DRP2: variants seen among roughly 807,000 people sequenced by gnomAD.
The protein encoded by DRP2 is dystrophin related protein 2.
Under a neutral mutation model 78.2 loss-of-function variants are expected in DRP2, and 29 were observed. The ratio of observed to expected loss-of-function variants is 0.37; its 90% CI spans 0.28 to 0.51. The LOEUF (loss-of-function observed/expected upper bound fraction) is 0.51. Ranked by LOEUF, DRP2 falls within the 20% of genes least tolerant of loss-of-function variation. DRP2 has a pLI of 0.94. For missense variants in DRP2, 686 were observed against 770.6 expected, an observed-to-expected ratio of 0.89 and a Z score of 1.30; for synonymous variants, 290 against 281.9, an observed-to-expected ratio of 1.03 and a Z score of -0.29.
chrX:101,227,265 C>T (rs1569507746), intron 2 of DRP2, among the ~76,000 whole-genome samples: 1 of 111,442 alleles, frequency 9.0e-6, no homozygotes, highest in African/African-American at 3.3e-5. Context: ...TAAAATTATC[C>T]TTTTTTTTGT....
intron 11 of DRP2, 36 bp downstream of exon 11, chrX:101,245,485 T>A: frequency 9.1e-7 from 1 of 1,096,900 alleles, no homozygotes; most frequent in Non-Finnish European, 1.2e-6. Flanking sequence ...GGTGGGCATA[T>A]ACACAGCTGC....
chrX:101,254,636 C>T lies in DRP2; in HGVS notation c.2114+75C>T, dbSNP rs1318431030. 4.2e-6 allele frequency: 5 copies of T among 1,178,340 alleles called. No homozygotes were observed. The Admixed American group carries it at 1.1e-4, about 26-fold the overall frequency. ...ATCGTATGCTGTGAAGGGGCTGAGT[C>T]CCGAGTGGGCTAGGAGAATGTTCCA... is the stretch of plus-strand genomic sequence containing the variant. On this transcript the variant is annotated intron_variant, in intron 18 of 23. Coordinates refer to ENST00000395209, the MANE Select transcript of DRP2 (RefSeq NM_001939.3).
At chrX:101,245,285 GCA>G (rs1922887739) in intron 10 of DRP2, 101 bp from the exon 11 acceptor site, 1 of 902,834 alleles carries the variant, frequency 1.1e-6, no homozygotes, top group East Asian at 3.3e-5. Flanking sequence ...CTCGAACCCT[GCA>G]GCTTCTTGCA....
chrX:101,249,701 T>C (rs908900016), intron 14 of DRP2, among the ~76,000 whole-genome samples: 1 of 111,980 alleles, frequency 8.9e-6, no homozygotes, highest in Non-Finnish European at 1.9e-5. Context: ...CTCTGCCTTC[T>C]ATTTCTGTGT....
chrX:101,256,057 G>C (rs200700207), intron 20 of DRP2, 61 bp from the exon 21 acceptor site: 5 of 1,111,787 alleles, frequency 4.5e-6, no homozygotes, highest in Non-Finnish European at 2.4e-6. Flanking sequence ...TGAGCTGAGA[G>C]CTGAGTTGTT....
rs778765283 is a variant in DRP2 at position 101,250,749 on chromosome X, C to T, written c.1699-168C>T. 2.7e-5 allele frequency among the ~76,000 whole-genome samples: 3 copies of T among 111,698 alleles called. No individual in the cohort carries two copies. The South Asian group carries it at 1.1e-3, about 43-fold the overall frequency. On this transcript the variant is annotated intron_variant, in intron 15 of 23. Coordinates refer to ENST00000395209, the MANE Select transcript of DRP2 (RefSeq NM_001939.3). The stretch of plus-strand genomic sequence containing the variant: ...GTTCTCTGGGCTCTAGAATCATAGT[C>T]CTGTTAGGGAGGGTGTCAGCTCAAC...
chrX:101,239,223 C>T (rs1162089171), intron 6 of DRP2, 122 bp downstream of exon 6: 4 of 929,489 alleles, frequency 4.3e-6, no homozygotes, highest in Non-Finnish European at 5.7e-6. Flanking sequence ...ATAGTTTCCC[C>T]CAGGAGTCCA....
At chrX:101,259,944 T>C (rs1218052692) in intron 22 of DRP2, 105 bp from the exon 23 acceptor site, 1 of 1,044,778 alleles carries the variant, frequency 9.6e-7, no homozygotes, top group East Asian at 3.1e-5. Flanking sequence ...AGTCTAAGGG[T>C]AAAGGGATGG....
chrX:101,259,953 G>A lies in DRP2; in HGVS notation c.2629-96G>A, dbSNP rs1923484960. 3 of 1,072,542 alleles carry A rather than the reference G, an allele frequency of 2.8e-6. No homozygotes were observed. The East Asian group carries it at 9.1e-5, about 33-fold the overall frequency. 88.4% of individuals were successfully genotyped at this position (1,072,542 alleles called of 1,213,427 possible). On this transcript the variant is annotated intron_variant, in intron 22 of 23. Coordinates refer to ENST00000395209, the MANE Select transcript of DRP2 (RefSeq NM_001939.3). ...TCTTAAAGTCTAAGGGTAAAGGGAT[G>A]GTATGAAGTCTCTCAGGTCCCTTCT... is the stretch of plus-strand genomic sequence containing the variant.
At chrX:101,222,263 T>G (rs1921918789) in intron 1 of DRP2, among the ~76,000 whole-genome samples, 1 of 111,516 alleles carries the variant, frequency 9.0e-6, no homozygotes, top group Non-Finnish European at 1.9e-5. Context: ...CTTTTCTGTA[T>G]GGAAAACACT....
Position 101,248,662 on chromosome X carries a change from G to A in DRP2, c.1540+63G>A, listed in dbSNP as rs773228476. Reference sequence around the variant, plus strand: ...GAGGGAAAGGTGTTGCAGGGAGGAGGAAGGGTGTAAGATAAGCAGAAAGTA... The same window carrying A: ...GAGGGAAAGGTGTTGCAGGGAGGAGAAAGGGTGTAAGATAAGCAGAAAGTA... On this transcript the variant is annotated intron_variant, in intron 14 of 23. Coordinates refer to ENST00000395209, the MANE Select transcript of DRP2 (RefSeq NM_001939.3). 452 of 1,024,931 alleles carry A rather than the reference G, an allele frequency of 4.4e-4. 2 individuals carry two copies. The South Asian group carries it at 8.2e-3, about 19-fold the overall frequency. The allele number at this position is 1,024,931 out of a possible 1,213,427, so 84.5% of individuals were successfully genotyped here.
chrX:101,255,367 C>CTAAGGA, intron 20 of DRP2, 118 bp downstream of exon 20: 4 of 731,246 alleles, frequency 5.5e-6, no homozygotes, highest in Non-Finnish European at 8.2e-6. Context: ...GGATCCTTAG[C>CTAAGGA]TCCCTAAGGA....
At chrX:101,229,666 A>G (rs1922236992) in intron 2 of DRP2, among the ~76,000 whole-genome samples, 1 of 110,942 alleles carries the variant, frequency 9.0e-6, no homozygotes, top group African/African-American at 3.3e-5. Flanking sequence ...GAGTCTAAAA[A>G]TGGTGGTTAT....
rs370505047 is a variant in DRP2, at chrX:101,254,873, C to G, written c.2129C>G (p.Pro710Arg). 6.6e-6 allele frequency: 8 copies of G among 1,210,175 alleles called. No homozygotes were observed. Among genetic ancestry groups the G allele is most frequent in the Non-Finnish European group, 8.9e-6 (8 of 895,328 alleles). Residue 710 changes from proline (P) to arginine (R), a missense_variant, in exon 19 of 24, where the codon CCG becomes CGG. By Grantham distance (103) the Pro-to-Arg change is moderately radical. Around this residue, in one of 2 missense-constraint regions of DRP2, gnomAD observed 423 missense variants for 531.5 expected, o/e 0.80. Transcript: ENST00000395209. ...CTTTCTTCTAGGCCGGCTTCTTCCC[C>G]GATGTGGCCACACGCCGACACACAC... ...ADYSETPASS[P>R]MWPHADTHSR...
In DRP2 at chrX:101,248,222, A is replaced by C; in HGVS notation, c.1386A>C (p.Arg462Ser). The change falls in exon 13 of 24, where the codon AGA becomes AGC. Residue 462 changes from arginine (R) to serine (S), a missense_variant. Coordinates refer to ENST00000395209, the MANE Select transcript of DRP2 (RefSeq NM_001939.3). The part of the protein sequence containing the change: ...TALYERLEEE[R>S]GILVNVPLCV... ...TATATGAACGTTTGGAGGAGGAAAG[A>C]GGCATCCTGGTCAACGTGCCACTCT... 1 of 1,211,799 alleles carries C rather than the reference A, an allele frequency of 8.3e-7. No individual in the cohort carries two copies. The highest frequency in any genetic ancestry group is 1.1e-6 in the Non-Finnish European group (1 of 895,553).
At chrX:101,256,990 GAAATGTGTATCACCTAGT>G (rs1213401773) in intron 21 of DRP2, among the ~76,000 whole-genome samples, 1 of 109,458 alleles carries the variant, frequency 9.1e-6, no homozygotes, top group Non-Finnish European at 1.9e-5. Flanking sequence ...GAAGTGGAAA[GAAATGTGTATCACCTAGT>G]AAAAGTATTC....
At chrX:101,226,196 G>A (rs957647800) in intron 2 of DRP2, among the ~76,000 whole-genome samples, 11 of 112,133 alleles carry the variant, frequency 9.8e-5, no homozygotes, top group Non-Finnish European at 1.3e-4. Flanking sequence ...TTAAGTAGCT[G>A]TATAGAATTC....
intron 23 of DRP2, 91 bp from the exon 24 acceptor site, chrX:101,260,406 T>G: frequency 9.0e-7 from 1 of 1,111,510 alleles, no homozygotes; most frequent in Non-Finnish European, 1.2e-6. Context: ...TGCGGGCAGG[T>G]CTGCCCTTCA....
chrX:101,243,074 A>G (rs1922791126), intron 9 of DRP2, 92 bp downstream of exon 9: 2 of 815,644 alleles, frequency 2.5e-6, no homozygotes, highest in East Asian at 6.3e-5. Context: ...GTGGGAGCCC[A>G]GTATACCTTG....
Sources: gnomAD v4.1 joint callset for allele counts (sites outside exome capture counted in the v4.1 genomes callset) on GRCh38, gnomAD v4.1.1 for gene constraint, gnomAD v4.1.1 regional missense constraint, MANE v1.5 for transcripts, NCBI Gene and HGNC (gene_info 2026-07-23, HGNC 2026-07-21) for gene names.